MET: variants seen among roughly 807,000 people sequenced by gnomAD.
MET encodes the protein hepatocyte growth factor receptor.
A neutral mutation model predicts 133.1 loss-of-function variants in MET; 48 were observed. The observed-to-expected ratio is 0.36, with a 90% CI of 0.29 to 0.46. The LOEUF (loss-of-function observed/expected upper bound fraction) is 0.46. Ranked by LOEUF, MET falls within the 20% of genes least tolerant of loss-of-function variation. MET has a pLI of 1.00. For synonymous variants in MET, 628 were observed against 616.5 expected (o/e 1.02, Z -0.28); for missense variants, 1,442 against 1,695.9 (o/e 0.85, Z 2.63).
At chr7:116,702,035 T>C (rs182322573) in intron 2 of MET, among the ~76,000 whole-genome samples, 188 of 152,328 alleles carry the variant, frequency 1.2e-3, no homozygotes, top group Admixed American at 3.1e-3. Context: ...AAAATACTTA[T>C]CAATTCTAGA....
At position 116,700,773 on chromosome 7, in the gene MET, T is replaced by A. The variant is rs116188641; in HGVS notation, c.1200+489T>A. Among the ~76,000 whole-genome samples the A allele has an allele frequency of 3.1e-3, 473 of 152,356 alleles. 3 individuals are homozygous for A. Among genetic ancestry groups the A allele is most frequent in the African/African-American group, 0.01 (430 of 41,586 alleles). On this transcript the variant is annotated intron_variant, in intron 2 of 20. Coordinates refer to ENST00000397752, the MANE Select transcript of MET (RefSeq NM_000245.4). ...ATTCTCTCACTGATACACAACTGAT[T>A]AATCTATATTCTTGACATTACTTAA...
chr7:116,730,377 ATGT>A (rs890677955), intron 2 of MET, among the ~76,000 whole-genome samples: 1 of 152,200 alleles, frequency 6.6e-6, no homozygotes, highest in Non-Finnish European at 1.5e-5. Context: ...TGTTAAAAAA[ATGT>A]TGTTCTTTAT....
intron 3 of MET, among the ~76,000 whole-genome samples, chr7:116,738,489 T>A (rs1330604948): frequency 6.6e-6 from 1 of 152,172 alleles, no homozygotes; most frequent in African/African-American, 2.4e-5. Flanking sequence ...AACAATAGTT[T>A]CCAACCTTTC....
intron 1 of MET, among the ~76,000 whole-genome samples, chr7:116,675,511 C>A (rs907779413): frequency 6.6e-6 from 1 of 152,130 alleles, no homozygotes; most frequent in Non-Finnish European, 1.5e-5. Context: ...ACCAAAACGA[C>A]CTTACAAGAT....
chr7:116,794,810 G>A (rs1417757346), intron 19 of MET, among the ~76,000 whole-genome samples: 2 of 152,216 alleles, frequency 1.3e-5, no homozygotes, highest in Non-Finnish European at 1.5e-5. Flanking sequence ...TGTCATTCTT[G>A]CATGGGCACA....
At chr7:116,774,780 A>G (rs1434237673) in intron 14 of MET, 101 bp from the exon 15 acceptor site, 5 of 882,574 alleles carry the variant, frequency 5.7e-6, no homozygotes, top group Non-Finnish European at 9.1e-6. Context: ...ATTTATTATC[A>G]TTTTTATCAA....
intron 19 of MET, among the ~76,000 whole-genome samples, chr7:116,793,753 G>A (rs1259709770): frequency 6.6e-6 from 1 of 151,808 alleles, no homozygotes; most frequent in Non-Finnish European, 1.5e-5. Context: ...ACAAAAATTA[G>A]CCTGGCATGG....
At chr7:116,682,737 A>C (rs9641562) in intron 1 of MET, among the ~76,000 whole-genome samples, 22,392 of 152,060 alleles carry the variant, frequency 0.15, 2,816 homozygotes, top group African/African-American at 0.34. Context: ...ATAGCACCTG[A>C]TTCTCTTAAC....
chr7:116,765,286 C>CA (rs754418396), intron 11 of MET, among the ~76,000 whole-genome samples: 4,958 of 30,568 alleles, frequency 0.16, 354 homozygotes, highest in African/African-American at 0.28. Context: ...GGAGACAGAG[C>CA]AAAAAAAAAA....
At chr7:116,703,080 G>A (rs987305948) in intron 2 of MET, among the ~76,000 whole-genome samples, 12 of 152,116 alleles carry the variant, frequency 7.9e-5, no homozygotes, top group Non-Finnish European at 1.8e-4. Context: ...ATAATTCCCA[G>A]TACTCGTCAT....
intron 1 of MET, among the ~76,000 whole-genome samples, chr7:116,687,635 G>T (rs1346753195): frequency 1.3e-5 from 2 of 152,160 alleles, no homozygotes; most frequent in Non-Finnish European, 2.9e-5. Context: ...ATAAGAAAAT[G>T]TCATATACTG....
intron 2 of MET, among the ~76,000 whole-genome samples, chr7:116,705,327 G>A (rs1216243229): frequency 6.6e-6 from 1 of 152,000 alleles, no homozygotes; most frequent in Non-Finnish European, 1.5e-5. Context: ...AACTTTTATA[G>A]GCCATATATC....
chr7:116,775,996 C>G (rs1370194133), intron 15 of MET, among the ~76,000 whole-genome samples: 1 of 151,462 alleles, frequency 6.6e-6, no homozygotes, highest in African/African-American at 2.4e-5. Flanking sequence ...CTAGCATAAA[C>G]AGTATTTGTG....
chr7:116,786,469 A>G (rs1795318460), intron 19 of MET, among the ~76,000 whole-genome samples: 1 of 152,220 alleles, frequency 6.6e-6, no homozygotes, highest in South Asian at 2.1e-4. Context: ...AAAAGCAGTG[A>G]GGTAAGGGAC....
At chr7:116,737,746 T>C (rs201458828) in intron 3 of MET, among the ~76,000 whole-genome samples, 1 of 112,020 alleles carries the variant, frequency 8.9e-6, no homozygotes, top group African/African-American at 2.6e-5. Flanking sequence ...AGGATACACA[T>C]ATCAATCAAT....
At chr7:116,681,021 G>A (rs1019891911) in intron 1 of MET, among the ~76,000 whole-genome samples, 1 of 152,016 alleles carries the variant, frequency 6.6e-6, no homozygotes. Context: ...CCCACCTTGG[G>A]AAATGGTGGG....
At chr7:116,716,571 G>T (rs1198246861) in intron 2 of MET, among the ~76,000 whole-genome samples, 4 of 152,028 alleles carry the variant, frequency 2.6e-5, no homozygotes, top group Admixed American at 1.3e-4. Context: ...ACTCAAAGAT[G>T]GTTCAGATCT....
intron 2 of MET, among the ~76,000 whole-genome samples, chr7:116,716,490 AAAGAAAG>A (rs1182519145): frequency 3.4e-5 from 5 of 145,328 alleles, no homozygotes; most frequent in African/African-American, 1.3e-4. Flanking sequence ...AGAAAGAAAG[AAAGAAAG>A]AAAGAAAGAA....
At chr7:116,777,899 G>A (rs1171406746) in intron 16 of MET, among the ~76,000 whole-genome samples, 2 of 152,104 alleles carry the variant, frequency 1.3e-5, no homozygotes, top group Non-Finnish European at 2.9e-5. Context: ...ACAAACAGGA[G>A]AAAACTACGC....
Sources: allele counts gnomAD v4.1 joint callset (sites outside exome capture counted in the v4.1 genomes callset), GRCh38; gene constraint gnomAD v4.1.1; transcripts MANE v1.5; gene names NCBI Gene and HGNC (gene_info 2026-07-23, HGNC 2026-07-21).